ARRB1: variants seen among roughly 807,000 people sequenced by gnomAD.
The protein encoded by ARRB1 is beta-arrestin-1.
Under a neutral mutation model 56.8 loss-of-function variants are expected in ARRB1, and 21 were observed. That is an observed-to-expected ratio of 0.37 (90% CI 0.26 to 0.53). ARRB1 has a LOEUF of 0.53. Among genes scored for constraint, ARRB1 ranks in the 20% least tolerant of loss-of-function variants. The pLI, the probability that ARRB1 is intolerant of heterozygous loss-of-function variation, is 0.88. For missense variants in ARRB1, 424 were observed against 553.7 expected (o/e 0.77, Z 2.35); for synonymous variants, 210 against 218.6 (o/e 0.96, Z 0.35).
At chr11:75,283,243 G>A (rs1946389360) in intron 5 of ARRB1, 44 bp downstream of exon 5, 8 of 1,555,594 alleles carry the variant, frequency 5.1e-6, no homozygotes, top group African/African-American at 1.4e-5. Flanking sequence ...GCTTCCTAGA[G>A]GTGGCATTTC....
intron 1 of ARRB1, among the ~76,000 whole-genome samples, chr11:75,299,392 T>A (rs938265488): frequency 1.3e-5 from 2 of 151,310 alleles, no homozygotes. Context: ...TTTATAAAGA[T>A]GCTTGGATTT....
chr11:75,343,743 T>C (rs1591993840), intron 1 of ARRB1, among the ~76,000 whole-genome samples: 1 of 152,206 alleles, frequency 6.6e-6, no homozygotes, highest in East Asian at 1.9e-4. Context: ...CCGAAGGGCC[T>C]GCAGGTGCCC....
intron 1 of ARRB1, among the ~76,000 whole-genome samples, chr11:75,321,108 C>T (rs1181949598): frequency 1.3e-5 from 2 of 152,318 alleles, no homozygotes; most frequent in South Asian, 4.1e-4. Flanking sequence ...TTTTCCCTCA[C>T]CTGCACACCT....
At chr11:75,349,275 C>T (rs1051168079) in intron 1 of ARRB1, among the ~76,000 whole-genome samples, 2 of 152,146 alleles carry the variant, frequency 1.3e-5, no homozygotes, top group Non-Finnish European at 2.9e-5. Context: ...CTTCCCCTGC[C>T]CAGTGAAGTC....
At chr11:75,280,964 C>T (rs950642368) in intron 7 of ARRB1, 111 bp downstream of exon 7, 44 of 1,275,212 alleles carry the variant, frequency 3.5e-5, no homozygotes, top group Middle Eastern at 1.8e-4. Flanking sequence ...CTGGAATGTG[C>T]GCCCCTCCTC....
chr11:75,267,550 C>A, intron 15 of ARRB1, 102 bp downstream of exon 15: 5 of 1,228,446 alleles, frequency 4.1e-6, no homozygotes, highest in Non-Finnish European at 5.8e-6. Flanking sequence ...GGGGTTAGAC[C>A]AGCGGCTCCT....
chr11:75,281,478 G>A, intron 6 of ARRB1: 1 of 393,282 alleles, frequency 2.5e-6, no homozygotes, highest in Admixed American at 4.0e-5. Context: ...ACTACTGTGT[G>A]CACACCCGGC....
intron 1 of ARRB1, among the ~76,000 whole-genome samples, chr11:75,301,131 A>G (rs1419883027): frequency 2.6e-5 from 4 of 151,130 alleles, no homozygotes; most frequent in Non-Finnish European, 5.9e-5. Flanking sequence ...CAACAGAGCG[A>G]GACTCCATCT....
At chr11:75,306,863 G>A (rs1947045838) in intron 1 of ARRB1, among the ~76,000 whole-genome samples, 1 of 152,228 alleles carries the variant, frequency 6.6e-6, no homozygotes, top group Admixed American at 6.5e-5. Flanking sequence ...CAGGGGGTGA[G>A]GGTCTCCCCA....
At chr11:75,306,534 G>A in intron 1 of ARRB1, 1 of 1,164,700 alleles carries the variant, frequency 8.6e-7, no homozygotes, top group Non-Finnish European at 1.1e-6. Flanking sequence ...TTCCTGGTGA[G>A]TCAGATAGAA....
chr11:75,311,984 G>A, intron 1 of ARRB1: 1 of 1,248,322 alleles, frequency 8.0e-7, no homozygotes, highest in Non-Finnish European at 1.1e-6. Context: ...CCGAGGGGCT[G>A]GGAAAAAGCT....
intron 1 of ARRB1, among the ~76,000 whole-genome samples, chr11:75,333,510 A>G (rs1947551926): frequency 6.6e-6 from 1 of 152,202 alleles, no homozygotes; most frequent in East Asian, 1.9e-4. Flanking sequence ...CAAACGGGGA[A>G]GTGTAAAAGA....
intron 14 of ARRB1, 84 bp downstream of exon 14, chr11:75,268,805 G>A (rs1946002474): frequency 6.8e-7 from 1 of 1,474,458 alleles, no homozygotes; most frequent in Non-Finnish European, 9.3e-7. Context: ...TGGGCTGAGG[G>A]CGAACCCGGG....
chr11:75,311,250 C>A (rs2140482338), intron 1 of ARRB1, among the ~76,000 whole-genome samples: 1 of 152,326 alleles, frequency 6.6e-6, no homozygotes, highest in East Asian at 1.9e-4. Context: ...GCAGGAGAAT[C>A]ACTTGAACCC....
At chr11:75,343,871 A>G (rs1236095493) in intron 1 of ARRB1, among the ~76,000 whole-genome samples, 3 of 151,676 alleles carry the variant, frequency 2.0e-5, no homozygotes, top group Non-Finnish European at 4.4e-5. Flanking sequence ...GCTGGAGTGC[A>G]GTGGCGTGAT....
In ARRB1 at chr11:75,263,379, G is replaced by A. The variant is rs1174586892; in HGVS notation, c.*2784C>T. ...CCTGTGTGTCCCTCGAGGCTGCAGC[G>A]TATGGCCGTGCAGCAGGGCACCTCT... On this transcript the variant is annotated 3_prime_UTR_variant, in exon 16 of 16. Transcript: ENST00000420843. Among the ~76,000 whole-genome samples the A allele has an allele frequency of 3.9e-5, 6 of 152,240 alleles. No individual in the cohort carries two copies. Among genetic ancestry groups the A allele is most frequent in the African/African-American group, 7.2e-5 (3 of 41,454 alleles).
intron 1 of ARRB1, among the ~76,000 whole-genome samples, chr11:75,351,343 C>T (rs943355839): frequency 2.6e-5 from 4 of 152,214 alleles, no homozygotes; most frequent in Non-Finnish European, 1.5e-5. Flanking sequence ...TGCTGGGTGT[C>T]AGCGAGCTGT....
intron 8 of ARRB1, 46 bp downstream of exon 8, chr11:75,278,563 C>A: frequency 1.2e-6 from 2 of 1,612,106 alleles, no homozygotes; most frequent in Non-Finnish European, 1.7e-6. Flanking sequence ...GAGGCCCAGG[C>A]CCTGGTGGAG....
rs188330004 is a variant in ARRB1, at chr11:75,283,869, G to A, written c.157+366C>T. ...TGTGGGGGCAGGGCAAGTGCTGGGT[G>A]GTATCTGGACGGCAAGCGTCTTGTC... On this transcript the variant is annotated intron_variant, in intron 4 of 15. Coordinates refer to ENST00000420843, the MANE Select transcript of ARRB1 (RefSeq NM_004041.5). 2.8e-3 allele frequency among the ~76,000 whole-genome samples: 420 copies of A among 152,278 alleles called. 4 individuals carry two copies. Among genetic ancestry groups the A allele is most frequent in the Non-Finnish European group, 2.9e-3 (196 of 68,018 alleles).
Sources: gnomAD v4.1 joint callset for allele counts (sites outside exome capture counted in the v4.1 genomes callset) on GRCh38, gnomAD v4.1.1 for gene constraint, MANE v1.5 for transcripts, NCBI Gene and HGNC (gene_info 2026-07-23, HGNC 2026-07-21) for gene names.